EDIL3: variants seen among roughly 807,000 people sequenced by gnomAD.
EDIL3 encodes EGF like and discoidin domains 3.
A neutral mutation model predicts 67.4 loss-of-function variants in EDIL3; 37 were observed. The observed-to-expected ratio is 0.55, with a 90% CI of 0.42 to 0.72. The LOEUF (loss-of-function observed/expected upper bound fraction) is 0.72, where lower values mean the gene tolerates loss of function less well. Among genes scored for constraint, EDIL3 ranks in the 30% least tolerant of loss-of-function variants. EDIL3 has a pLI of 0.00. For synonymous variants in EDIL3, 195 were observed against 196.3 expected (o/e 0.99, Z 0.05); for missense variants, 527 against 586.3 (o/e 0.90, Z 1.04).
chr5:84,085,143 G>A (rs540420306), intron 6 of EDIL3, among the ~76,000 whole-genome samples: 19 of 152,310 alleles, frequency 1.2e-4, no homozygotes, highest in African/African-American at 4.6e-4. Context: ...GCTAAGAGGA[G>A]TTTGTTATTA....
intron 9 of EDIL3, among the ~76,000 whole-genome samples, chr5:84,028,695 T>G (rs1488060842): frequency 1.3e-5 from 2 of 152,156 alleles, no homozygotes; most frequent in East Asian, 3.9e-4. Flanking sequence ...TATGTATATG[T>G]GTGTAAAATA....
At chr5:84,072,705 A>G (rs916603535) in intron 6 of EDIL3, among the ~76,000 whole-genome samples, 2 of 152,202 alleles carry the variant, frequency 1.3e-5, no homozygotes, top group African/African-American at 4.8e-5. Flanking sequence ...AAATTCAAAC[A>G]ATTTAAAGTA....
chr5:83,975,178 T>C (rs1744858326), intron 9 of EDIL3, among the ~76,000 whole-genome samples: 1 of 152,040 alleles, frequency 6.6e-6, no homozygotes, highest in Admixed American at 6.6e-5. Context: ...AGCAATAAGA[T>C]GCTTAGACTT....
chr5:84,334,332 G>A, intron 1 of EDIL3, among the ~76,000 whole-genome samples: 1 of 152,028 alleles, frequency 6.6e-6, no homozygotes, highest in Non-Finnish European at 1.5e-5. Context: ...CCAAAGTGGT[G>A]GGATTACAGG....
chr5:84,214,400 C>T (rs1435878309), intron 3 of EDIL3, among the ~76,000 whole-genome samples: 2 of 151,902 alleles, frequency 1.3e-5, no homozygotes, highest in Non-Finnish European at 2.9e-5. Context: ...GTATAACCCC[C>T]GCCCCCCGCC....
At chr5:84,007,744 C>T (rs1319415943) in intron 9 of EDIL3, among the ~76,000 whole-genome samples, 2 of 152,092 alleles carry the variant, frequency 1.3e-5, no homozygotes, top group African/African-American at 4.8e-5. Context: ...TAAAATAGAA[C>T]TACCATATGA....
Position 83,979,444 on chromosome 5 carries a change from CAT to C in EDIL3, c.1138-16086_1138-16085del, listed in dbSNP as rs1479025518. On this transcript the variant is annotated intron_variant, in intron 9 of 10. Coordinates refer to ENST00000296591, the MANE Select transcript of EDIL3 (RefSeq NM_005711.5). ...TCTGAGATAAATTATCACAAGGAGA[CAT>C]ATATAATAAACTTATCTGTAGCATT... Among the ~76,000 whole-genome samples, 6 of 152,074 alleles carry C rather than the reference CAT, an allele frequency of 3.9e-5. No individual in the cohort carries two copies. In the South Asian group the frequency reaches 1.2e-3, roughly 32 times the overall value.
intron 5 of EDIL3, among the ~76,000 whole-genome samples, chr5:84,124,601 T>C (rs1209317512): frequency 6.6e-6 from 1 of 151,950 alleles, no homozygotes; most frequent in Non-Finnish European, 1.5e-5. Flanking sequence ...ACTTTATTCT[T>C]ATCATATTGG....
At chr5:84,092,304 G>A (rs1053855120) in intron 6 of EDIL3, among the ~76,000 whole-genome samples, 5 of 152,172 alleles carry the variant, frequency 3.3e-5, no homozygotes, top group African/African-American at 1.2e-4. Flanking sequence ...TAATATTCAT[G>A]AAACAAATGG....
chr5:83,985,223 TAATTAAA>T (rs1745039910), intron 9 of EDIL3, among the ~76,000 whole-genome samples: 1 of 151,950 alleles, frequency 6.6e-6, no homozygotes, highest in Non-Finnish European at 1.5e-5. Context: ...CAAATAAGTA[TAATTAAA>T]ACTGCTCATG....
At chr5:84,142,078 C>T (rs914659621) in intron 4 of EDIL3, among the ~76,000 whole-genome samples, 7 of 151,302 alleles carry the variant, frequency 4.6e-5, no homozygotes, top group African/African-American at 1.7e-4. Flanking sequence ...ACCTGGTCTT[C>T]TTTGTCCTGG....
intron 9 of EDIL3, among the ~76,000 whole-genome samples, chr5:84,011,569 A>G (rs1407663485): frequency 1.3e-5 from 2 of 152,166 alleles, no homozygotes; most frequent in Non-Finnish European, 1.5e-5. Context: ...TTCCTTGCTC[A>G]AAGTCTCAAA....
chr5:84,093,691 G>A (rs1277481667), intron 6 of EDIL3, among the ~76,000 whole-genome samples: 2 of 133,384 alleles, frequency 1.5e-5, no homozygotes, highest in Non-Finnish European at 1.5e-5. Context: ...ACGGGGTCTC[G>A]CTCTGTGGCC....
intron 1 of EDIL3, among the ~76,000 whole-genome samples, chr5:84,371,373 G>GTATGTGTGTATATA (rs1202566775): frequency 2.3e-5 from 3 of 128,240 alleles, no homozygotes; most frequent in Admixed American, 8.4e-5. Context: ...GTGTATATAT[G>GTATGTGTGTATATA]TATGTGTGTA....
At chr5:84,127,462 C>A (rs572186301) in intron 5 of EDIL3, among the ~76,000 whole-genome samples, 1 of 152,012 alleles carries the variant, frequency 6.6e-6, no homozygotes, top group African/African-American at 2.4e-5. Context: ...TTAAGATATG[C>A]TCAAAGTAGA....
intron 9 of EDIL3, among the ~76,000 whole-genome samples, chr5:83,972,240 TG>T (rs1202072412): frequency 6.6e-6 from 1 of 152,102 alleles, no homozygotes; most frequent in Non-Finnish European, 1.5e-5. Context: ...CAAATGGGAA[TG>T]GTGGGGTGTT....
intron 1 of EDIL3, among the ~76,000 whole-genome samples, chr5:84,262,668 T>TTTTTTTTTTTTTTTG (rs1745254602): frequency 9.5e-6 from 1 of 105,748 alleles, no homozygotes. Flanking sequence ...GGTTTTTTTT[T>TTTTTTTTTTTTTTTG]TTTTTTTTTT....
At chr5:84,074,872 T>A (rs989418810) in intron 6 of EDIL3, among the ~76,000 whole-genome samples, 22 of 152,138 alleles carry the variant, frequency 1.4e-4, no homozygotes, top group Admixed American at 1.3e-3. Context: ...GGACTATAAA[T>A]CATGCTGCTA....
At chr5:84,224,861 A>G (rs1023124096) in intron 3 of EDIL3, among the ~76,000 whole-genome samples, 5 of 151,616 alleles carry the variant, frequency 3.3e-5, no homozygotes, top group African/African-American at 1.2e-4. Flanking sequence ...CAATATCAAC[A>G]TACTTAGATT....
Sources: gnomAD v4.1 joint callset for allele counts (sites outside exome capture counted in the v4.1 genomes callset) on GRCh38, gnomAD v4.1.1 for gene constraint, MANE v1.5 for transcripts, NCBI Gene and HGNC (gene_info 2026-07-23, HGNC 2026-07-21) for gene names.